Variants in ZNF831 observed in about 807,000 individuals in gnomAD.
ZNF831 encodes the protein chromosome 20 open reading frame 174.
Under a neutral mutation model 95.8 loss-of-function variants are expected in ZNF831, and 59 were observed. That is an observed-to-expected ratio of 0.62 (90% CI 0.50 to 0.77). ZNF831 has a LOEUF of 0.77. Among genes scored for constraint, ZNF831 ranks in the 30% least tolerant of loss-of-function variants. ZNF831 has a pLI of 0.00. For synonymous variants in ZNF831, 961 were observed against 925.5 expected (o/e 1.04, Z -0.70); for missense variants, 2,205 against 2,164.0 (o/e 1.02, Z -0.38).
intron 2 of ZNF831, among the ~76,000 whole-genome samples, chr20:59,152,113 A>G (rs1980280063): frequency 6.6e-6 from 1 of 152,196 alleles, no homozygotes; most frequent in Admixed American, 6.5e-5. Flanking sequence ...TGCCTGATCA[A>G]TCATAATAGT....
intron 4 of ZNF831, among the ~76,000 whole-genome samples, chr20:59,249,538 C>T (rs1987781981): frequency 2.0e-5 from 3 of 152,046 alleles, no homozygotes; most frequent in Admixed American, 2.0e-4. Flanking sequence ...GAGCATGGTG[C>T]CTGGGTCATT....
intron 1 of ZNF831, among the ~76,000 whole-genome samples, chr20:59,188,866 G>T (rs1307563750): frequency 6.6e-6 from 1 of 152,132 alleles, no homozygotes; most frequent in East Asian, 1.9e-4. Context: ...TTTGCTGCAT[G>T]TACTTTTGGT....
At chr20:59,141,219 G>A (rs1601292718) in intron 1 of ZNF831, among the ~76,000 whole-genome samples, 1 of 152,150 alleles carries the variant, frequency 6.6e-6, no homozygotes, top group African/African-American at 2.4e-5. Context: ...TTTTAATAAA[G>A]TCTAATTTAT....
chr20:59,150,994 T>C (rs1980198856), intron 2 of ZNF831, among the ~76,000 whole-genome samples: 1 of 152,236 alleles, frequency 6.6e-6, no homozygotes, highest in African/African-American at 2.4e-5. Context: ...TTGGCCCGCC[T>C]GCCCAGATGG....
intron 4 of ZNF831, among the ~76,000 whole-genome samples, chr20:59,250,880 A>G (rs932446411): frequency 3.3e-5 from 5 of 152,324 alleles, no homozygotes; most frequent in Admixed American, 6.5e-5. Context: ...AAAATAGAAG[A>G]TTATACTAGG....
At chr20:59,211,065 A>AAAAAAAAAAAAAAAC (rs753979009) in intron 4 of ZNF831, among the ~76,000 whole-genome samples, 14 of 77,578 alleles carry the variant, frequency 1.8e-4, no homozygotes, top group African/African-American at 1.0e-3. Flanking sequence ...AAAAAAAAAA[A>AAAAAAAAAAAAAAAC]CAAATCCAAG....
At chr20:59,177,613 G>A (rs1224064300) in intron 1 of ZNF831, among the ~76,000 whole-genome samples, 3 of 152,174 alleles carry the variant, frequency 2.0e-5, no homozygotes, top group East Asian at 3.9e-4. Context: ...TTATGGAGCT[G>A]ACATTCTTGT....
At chr20:59,238,199 C>A (rs932708216) in intron 4 of ZNF831, among the ~76,000 whole-genome samples, 3 of 152,104 alleles carry the variant, frequency 2.0e-5, no homozygotes, top group Admixed American at 2.0e-4. Context: ...TCTTCTTAAT[C>A]CTGATCAGTT....
At chr20:59,195,530 T>G (rs1197711016) in intron 2 of ZNF831, among the ~76,000 whole-genome samples, 3 of 151,702 alleles carry the variant, frequency 2.0e-5, no homozygotes, top group Admixed American at 6.6e-5. Context: ...GAGTAGCGGG[T>G]TAGTCAGTAG....
At chr20:59,149,829 G>C (rs556057853) in intron 2 of ZNF831, among the ~76,000 whole-genome samples, 2 of 152,390 alleles carry the variant, frequency 1.3e-5, no homozygotes, top group East Asian at 3.9e-4. Context: ...TCTGTGGAAT[G>C]TTCCAGCTGG....
rs539520479 is a variant in ZNF831, at chr20:59,201,498, C to CT, written c.3876-5400dup. 2.6e-5 allele frequency among the ~76,000 whole-genome samples: 4 copies of CT among 152,034 alleles called. No homozygotes were observed. In the South Asian group the frequency reaches 8.3e-4, roughly 32 times the overall value. On this transcript the variant is annotated intron_variant, in intron 3 of 5. Transcript: ENST00000371030. ...TTCACTTTGATGATATTTAATTTAC[C>CT]TTTTTTTGTTATGTTTTTAGTGTCA...
upstream of ZNF831, among the ~76,000 whole-genome samples, chr20:59,163,106 T>C (rs963727484): frequency 1.6e-4 from 24 of 151,952 alleles, 1 homozygote; most frequent in East Asian, 2.5e-3. Flanking sequence ...TGAACATTAC[T>C]GGTGTATAGA....
chr20:59,155,182 C>A (rs1211835377), intron 2 of ZNF831, among the ~76,000 whole-genome samples: 2 of 152,098 alleles, frequency 1.3e-5, no homozygotes, highest in African/African-American at 2.4e-5. Context: ...TGGCTTTTGT[C>A]ATTGTTTCCC....
At chr20:59,172,759 T>C (rs1389124249) in intron 1 of ZNF831, among the ~76,000 whole-genome samples, 1 of 152,196 alleles carries the variant, frequency 6.6e-6, no homozygotes, top group East Asian at 1.9e-4. Context: ...CTCTGGTAAG[T>C]GCACTCCTGT....
rs1276106698 is a variant in ZNF831 at position 59,245,985 on chromosome 20, GT to G, written c.4028-6991del. Among the ~76,000 whole-genome samples, 3 of 152,080 alleles carry G rather than the reference GT, an allele frequency of 2.0e-5. No homozygotes were observed. In the East Asian group the frequency reaches 5.8e-4, roughly 29 times the overall value. On this transcript the variant is annotated intron_variant, in intron 4 of 5. Transcript: ENST00000371030. The stretch of plus-strand genomic sequence containing the variant: ...AATTTCTAAATACTGTATGAAGAGG[GT>G]TGAATACATCTCTGGCACAAAGGTA...
chr20:59,161,438 C>T (rs558546619), upstream of ZNF831, among the ~76,000 whole-genome samples: 19 of 152,110 alleles, frequency 1.2e-4, no homozygotes, highest in South Asian at 2.1e-4. Flanking sequence ...CCACCACACC[C>T]GGCTAATTTT....
rs1983697331 is a variant in ZNF831, at chr20:59,192,700, C to T, written c.1681C>T (p.Leu561=). The T allele has an allele frequency of 6.3e-7, 1 of 1,590,576 alleles. No homozygotes were observed. Among genetic ancestry groups the T allele is most frequent in the Non-Finnish European group, 8.5e-7 (1 of 1,169,900 alleles). ...CGTTCCCAGTGGGCATCCCCGGGCC[C>T]TGGTCAGACAGGCCGCGGTGGAGGA... ...TDVPSGHPRA[L]VRQAAVEDLP... The change falls in exon 2 of 6, where the codon CTG becomes TTG. Residue 561 remains leucine, a synonymous_variant. Coordinates refer to ENST00000371030, the MANE Select transcript of ZNF831 (RefSeq NM_178457.3). The surrounding 1 kb of genome is among the most constrained non-coding windows in gnomAD (Gnocchi z 5.2).
intron 4 of ZNF831, among the ~76,000 whole-genome samples, chr20:59,210,693 A>G (rs1452783067): frequency 6.6e-6 from 1 of 152,166 alleles, no homozygotes; most frequent in Non-Finnish European, 1.5e-5. Context: ...CGCTCACCCC[A>G]TGGACTAATG....
intron 1 of ZNF831, among the ~76,000 whole-genome samples, chr20:59,175,971 G>A (rs1340423947): frequency 1.3e-5 from 2 of 152,222 alleles, no homozygotes; most frequent in African/African-American, 4.8e-5. Context: ...TCATTGGGAA[G>A]GCCCTGTTAC....
Sources: gnomAD v4.1 joint callset for allele counts (sites outside exome capture counted in the v4.1 genomes callset) on GRCh38, gnomAD v4.1.1 for gene constraint, Gnocchi (gnomAD v3.1) non-coding constraint, MANE v1.5 for transcripts, NCBI Gene and HGNC (gene_info 2026-07-23, HGNC 2026-07-21) for gene names.